Variants in CFAP44 observed in about 807,000 individuals in gnomAD.
CFAP44 encodes the protein cilia- and flagella-associated protein 44.
In CFAP44, 134 loss-of-function variants were observed where a neutral mutation model predicts 216.2. The ratio of observed to expected loss-of-function variants is 0.62; its 90% CI spans 0.54 to 0.72. CFAP44 has a LOEUF of 0.72. Ranked by LOEUF, CFAP44 falls within the 30% of genes least tolerant of loss-of-function variation. The probability of loss-of-function intolerance (pLI) is 0.00; values close to 1 mark genes in which losing one functional copy is unlikely to be tolerated. For synonymous variants in CFAP44, 700 were observed against 727.6 expected (o/e 0.96, Z 0.61); for missense variants, 2,035 against 2,182.1 (o/e 0.93, Z 1.34).
At chr3:113,306,607 C>A (rs1949988083) in intron 29 of CFAP44, among the ~76,000 whole-genome samples, 3 of 152,120 alleles carry the variant, frequency 2.0e-5, no homozygotes, top group Admixed American at 6.5e-5. Flanking sequence ...GCTCATAGAC[C>A]CTGCAAGGCA....
At chr3:113,415,456 G>C (rs539335878) in intron 6 of CFAP44, among the ~76,000 whole-genome samples, 30 of 152,174 alleles carry the variant, frequency 2.0e-4, no homozygotes, top group African/African-American at 7.2e-4. Context: ...TGTGATGTTA[G>C]GGTGTCAATC....
chr3:113,408,881 A>AAG lies in CFAP44; in HGVS notation c.890+223_890+224dup, dbSNP rs1553761311. On this transcript the variant is annotated intron_variant, in intron 7 of 34. Transcript: ENST00000393845. Reference sequence around the variant, plus strand: ...TCCATTTCAAAAAAAAAAAAAAAAAAAGCCCTTATTTTATCTATGCTGTTT... The same window carrying AAG: ...TCCATTTCAAAAAAAAAAAAAAAAAAAGAGCCCTTATTTTATCTATGCTGTTT... Among the ~76,000 whole-genome samples the AAG allele has an allele frequency of 5.2e-4, 75 of 143,170 alleles. 2 individuals carry two copies. Among genetic ancestry groups the AAG allele is most frequent in the East Asian group, 3.5e-3 (17 of 4,802 alleles). 93.9% of individuals were successfully genotyped at this position (143,170 alleles called of 152,430 possible). A position where few individuals can be genotyped will look rare whatever the true frequency, so the allele number is the denominator to read the frequency against.
intron 9 of CFAP44, among the ~76,000 whole-genome samples, 169 bp downstream of exon 9, chr3:113,403,683 A>G (rs543120390): frequency 3.2e-4 from 48 of 152,352 alleles, no homozygotes; most frequent in African/African-American, 1.1e-3. Flanking sequence ...AATTTTGACA[A>G]GAATGCAAAT....
At chr3:113,300,212 G>A (rs2107789376) in intron 32 of CFAP44, among the ~76,000 whole-genome samples, 1 of 151,724 alleles carries the variant, frequency 6.6e-6, no homozygotes, top group African/African-American at 2.4e-5. Flanking sequence ...TAGAGTCTGG[G>A]AAGGATAGTG....
chr3:113,393,215 T>C (rs1242984614), intron 15 of CFAP44, among the ~76,000 whole-genome samples: 3 of 152,248 alleles, frequency 2.0e-5, no homozygotes, highest in Admixed American at 6.5e-5. Flanking sequence ...AATTTACTTT[T>C]TACTTTAGTA....
intron 34 of CFAP44, among the ~76,000 whole-genome samples, chr3:113,293,332 G>A (rs537049627): frequency 3.9e-5 from 6 of 152,330 alleles, no homozygotes; most frequent in African/African-American, 1.4e-4. Context: ...TGGAGTCAGC[G>A]TTGGAGGCAG....
chr3:113,430,338 T>G (rs1476967474), intron 2 of CFAP44, among the ~76,000 whole-genome samples: 2 of 150,434 alleles, frequency 1.3e-5, no homozygotes, highest in Non-Finnish European at 3.0e-5. Context: ...GGAAGGAAAT[T>G]TATAGCTTTC....
At chr3:113,328,206 TCCCA>T (rs1166293091) in intron 26 of CFAP44, among the ~76,000 whole-genome samples, 3 of 151,426 alleles carry the variant, frequency 2.0e-5, no homozygotes, top group African/African-American at 7.3e-5. Context: ...TAAATACGTT[TCCCA>T]ACTTCTTATG....
chr3:113,294,399 G>A (rs1949861017), intron 34 of CFAP44: 4 of 366,594 alleles, frequency 1.1e-5, no homozygotes, highest in East Asian at 5.8e-5. Flanking sequence ...TAATGGTGTC[G>A]TTATTCATAC....
At chr3:113,421,527 A>C (rs1303835433) in intron 4 of CFAP44, among the ~76,000 whole-genome samples, 1 of 152,216 alleles carries the variant, frequency 6.6e-6, no homozygotes, top group African/African-American at 2.4e-5. Context: ...CCAAAAAGAC[A>C]CATGCACTCA....
At chr3:113,366,400 A>C in intron 18 of CFAP44, 91 bp from the exon 19 acceptor site, 1 of 1,465,576 alleles carries the variant, frequency 6.8e-7, no homozygotes, top group Non-Finnish European at 9.2e-7. Context: ...AATTAATAAC[A>C]AAGTTGTTAT....
At chr3:113,416,498 A>C (rs12635786) in intron 6 of CFAP44, 27 bp downstream of exon 6, 404,519 of 1,504,618 alleles carry the variant, frequency 0.27, 59,577 homozygotes, top group East Asian at 0.62. Context: ...TTGAACATGA[A>C]ATATTTAAAT....
chr3:113,366,129 A>T lies in CFAP44; in HGVS notation c.2625T>A (p.Thr875=), dbSNP rs776246375. 4 of 1,613,992 alleles carry T rather than the reference A, an allele frequency of 2.5e-6. No individual in the cohort carries two copies. The highest frequency in any genetic ancestry group is 8.5e-7 in the Non-Finnish European group (1 of 1,180,010). The change falls in exon 19 of 35, where the codon ACT becomes ACA. Residue 875 remains threonine, a synonymous_variant. Coordinates refer to ENST00000393845, the MANE Select transcript of CFAP44 (RefSeq NM_001164496.2). ...CAAAGATATTGCCATCTGCTCCAGC[A>T]GTCACCAAGAAACGATCATCAAAGC... is the stretch of plus-strand genomic sequence containing the variant. ...ANSFDDRFLV[T]AGADGNIFVF...
chr3:113,433,428 T>C (rs1030419458), intron 2 of CFAP44, 137 bp downstream of exon 2: 1 of 254,158 alleles, frequency 3.9e-6, no homozygotes, highest in Non-Finnish European at 6.1e-6. Context: ...AAACTCCATC[T>C]CAAAAAAAAA....
rs190795704 is a variant in CFAP44 at position 113,330,197 on chromosome 3, C to T, written c.4087G>A (p.Val1363Met). The T allele has an allele frequency of 2.6e-4, 403 of 1,537,016 alleles. 1 individual carries two copies. In the African/African-American group the frequency reaches 4.6e-3, roughly 18 times the overall value. The change falls in exon 26 of 35, where the codon GTG becomes ATG. Residue 1363 changes from valine (V) to methionine (M), a missense_variant. Around this residue, in one of 3 missense-constraint regions of CFAP44, gnomAD observed 1,883 missense variants for 2,023.7 expected, o/e 0.93. Coordinates refer to ENST00000393845, the MANE Select transcript of CFAP44 (RefSeq NM_001164496.2). ...TTGACCAAATACTGTTGCATGTACA[C>T]GTGTTTAATCTCGTCTCTCTTCATA... Reference protein sequence around the residue: ...EIMKRDEIKHVYMQQYLVNRI... With the variant: ...EIMKRDEIKHMYMQQYLVNRI...
chr3:113,296,728 C>A lies in CFAP44; in HGVS notation c.5235G>T (p.Trp1745Cys). ...ELANAKEMKMWEEKIAQMRWE... is the reference protein window; with the variant it reads ...ELANAKEMKMCEEKIAQMRWE... Reference sequence around the variant, plus strand: ...TCAACCCCCTTCTCTTCCTTACCTCCCACATCTTCATCTCTTTCGCATTTG... The same window carrying A: ...TCAACCCCCTTCTCTTCCTTACCTCACACATCTTCATCTCTTTCGCATTTG... Residue 1745 changes from tryptophan to cysteine, a missense_variant, in exon 33 of 35, where the codon TGG (tryptophan) becomes TGT (cysteine). Transcript: ENST00000393845. The A allele has an allele frequency of 6.5e-7, 1 of 1,537,148 alleles. No individual in the cohort carries two copies. Among genetic ancestry groups the A allele is most frequent in the Non-Finnish European group, 8.7e-7 (1 of 1,146,416 alleles).
intron 21 of CFAP44, among the ~76,000 whole-genome samples, chr3:113,361,907 G>A (rs1174711594): frequency 6.6e-6 from 1 of 151,648 alleles, no homozygotes; most frequent in Non-Finnish European, 1.5e-5. Flanking sequence ...AATAGCAACA[G>A]AAAGGGTTTC....
intron 18 of CFAP44, among the ~76,000 whole-genome samples, chr3:113,370,198 GA>G (rs901998933): frequency 6.6e-6 from 1 of 152,108 alleles, no homozygotes; most frequent in African/African-American, 2.4e-5. Context: ...CCAATCAATA[GA>G]AAAAGAGGAA....
rs532877907 is a variant in CFAP44, at chr3:113,416,703, G to A, written c.571-76C>T. ...AATAGTCTGATTAATGCAGTATTTAGCATCCATTATTTCATAATTTATTAG... is the reference window on the plus strand; with the variant it reads ...AATAGTCTGATTAATGCAGTATTTAACATCCATTATTTCATAATTTATTAG... On this transcript the variant is annotated intron_variant, in intron 5 of 34. Transcript: ENST00000393845. 1.4e-4 allele frequency: 139 copies of A among 1,023,752 alleles called. 1 individual carries two copies. The African/African-American group carries it at 2.1e-3, about 16-fold the overall frequency. 63.4% of individuals were successfully genotyped at this position (1,023,752 alleles called of 1,614,324 possible). A position where few individuals can be genotyped will look rare whatever the true frequency, so the allele number is the denominator to read the frequency against.
Sources: allele counts gnomAD v4.1 joint callset (sites outside exome capture counted in the v4.1 genomes callset), GRCh38; gene constraint gnomAD v4.1.1; regional missense constraint gnomAD v4.1.1; transcripts MANE v1.5; gene names NCBI Gene and HGNC (gene_info 2026-07-23, HGNC 2026-07-21).